Variants in LACTBL1 observed in about 807,000 individuals in gnomAD.
LACTBL1 encodes beta-lactamase-like protein 1.
A neutral mutation model predicts 39.6 loss-of-function variants in LACTBL1; 29 were observed. The ratio of observed to expected loss-of-function variants is 0.73; its 90% CI spans 0.55 to 1.00. The LOEUF (loss-of-function observed/expected upper bound fraction) is 1.00. Ranked by LOEUF, LACTBL1 falls within the 50% of genes least tolerant of loss-of-function variation. The pLI, the probability that LACTBL1 is intolerant of heterozygous loss-of-function variation, is 0.00. For missense variants in LACTBL1, 711 were observed against 748.5 expected (o/e 0.95, Z 0.59); for synonymous variants, 361 against 360.7 (o/e 1.00, Z -0.01).
exon 6 of LACTBL1, chr1:22,953,210 C>A: frequency 6.5e-6 from 8 of 1,232,162 alleles, no homozygotes; most frequent in Non-Finnish European, 8.1e-6. Flanking sequence ...AGTGGCAGTG[C>A]GCAGGGGAAC....
At chr1:22,972,303 A>G in the LACTBL1 span, 1 of 985,266 alleles carries the variant, frequency 1.0e-6, no homozygotes, top group South Asian at 4.7e-5. Flanking sequence ...GCTGTGCCTC[A>G]CCTGGGTCTT....
rs1160027465 is a variant in LACTBL1 at position 22,965,180 on chromosome 1, G to GTCTAA, written c.49+105_49+109dup. 8 of 977,066 alleles carry GTCTAA rather than the reference G, an allele frequency of 8.2e-6. No individual in the cohort carries two copies. The Admixed American group carries it at 3.0e-4, about 37-fold the overall frequency. The allele number at this position is 977,066 out of a possible 1,614,324, so 60.5% of individuals were successfully genotyped here. ...TCAGAATGGAGTCCAGAGCTTCTGA[G>GTCTAA]TCTAAATCTTATGGTCCTCCCCTAC... is the stretch of plus-strand genomic sequence containing the variant. On this transcript the variant is annotated intron_variant, in intron 1 of 5. Coordinates refer to ENST00000426928, the Ensembl canonical transcript of LACTBL1.
chr1:22,972,810 G>C, the LACTBL1 span: 1 of 938,584 alleles, frequency 1.1e-6, no homozygotes, highest in Non-Finnish European at 1.3e-6. Flanking sequence ...GGCAGTTAGG[G>C]CCCCAGTTTG....
At chr1:22,963,122 C>T in exon 2 of LACTBL1, 1 of 1,287,732 alleles carries the variant, frequency 7.8e-7, no homozygotes. Flanking sequence ...CCAGGGCCTC[C>T]TTCAACACGG....
chr1:22,959,802 A>C, intron 3 of LACTBL1, 140 bp downstream of exon 5: 1 of 1,011,476 alleles, frequency 9.9e-7, no homozygotes. Flanking sequence ...CTCCTCTTCT[A>C]TAAAACTGTC....
In LACTBL1 at chr1:22,953,117, C is replaced by CG; in HGVS notation, c.1566dup (p.Gly523ArgfsTer?). The CG allele has an allele frequency of 8.1e-7, 1 of 1,232,162 alleles. No individual in the cohort carries two copies. The highest frequency in any genetic ancestry group is 1.0e-6 in the Non-Finnish European group (1 of 987,934). 76.3% of individuals were successfully genotyped at this position (1,232,162 alleles called of 1,614,324 possible). Reference sequence around the variant, plus strand: ...GTGTTGAGGCCGGGCACGTCGAAGCCGGGTGACAGCCCGTGGTGATCCAAG... The same window carrying CG: ...GTGTTGAGGCCGGGCACGTCGAAGCCGGGGTGACAGCCCGTGGTGATCCAAG... On this transcript the variant is annotated frameshift_variant, in exon 6 of 6. Transcript: ENST00000426928. LOFTEE classifies it high-confidence loss of function.
At chr1:22,966,323 C>T (rs1045540805), upstream of LACTBL1, among the ~76,000 whole-genome samples, 4 of 152,272 alleles carry the variant, frequency 2.6e-5, 1 homozygote, top group African/African-American at 4.8e-5. Context: ...TACAGTTTTA[C>T]GAGGAGATGG....
At chr1:22,953,494 A>G (rs893005828) in exon 6 of LACTBL1, 11 of 1,230,440 alleles carry the variant, frequency 8.9e-6, no homozygotes, top group Non-Finnish European at 1.1e-5. Flanking sequence ...CCGCGCCACC[A>G]GGTCGGGCCC....
chr1:22,962,977 G>A (rs1257762941), intron 2 of LACTBL1, 130 bp downstream of exon 4: 2 of 444,640 alleles, frequency 4.5e-6, no homozygotes, highest in Non-Finnish European at 7.8e-6. Context: ...CTCGCACAGA[G>A]TAGATGCTCA....
chr1:22,959,276 C>A (rs1640792121), intron 3 of LACTBL1, among the ~76,000 whole-genome samples: 1 of 152,180 alleles, frequency 6.6e-6, no homozygotes, highest in African/African-American at 2.4e-5. Context: ...TCTGCTTCAC[C>A]GGTTGTATTA....
At chr1:22,953,819 G>A (rs1007735913) in exon 6 of LACTBL1, 1 of 1,547,502 alleles carries the variant, frequency 6.5e-7, no homozygotes, top group African/African-American at 1.4e-5. Flanking sequence ...TACCAGCCCA[G>A]GTCATAGAGT....
At chr1:22,956,063 CAAAAAAA>C (rs10582369) in intron 4 of LACTBL1, among the ~76,000 whole-genome samples, 17 of 76,600 alleles carry the variant, frequency 2.2e-4, no homozygotes, top group Non-Finnish European at 3.8e-4. Context: ...AACTCCATCT[CAAAAAAA>C]AAAAAAAAAA....
exon 6 of LACTBL1, chr1:22,953,526 C>A (rs1254145656): frequency 8.1e-7 from 1 of 1,237,236 alleles, no homozygotes; most frequent in Non-Finnish European, 1.0e-6. Context: ...GCCCTGCCAG[C>A]AGCAGCACCA....
chr1:22,961,126 A>G lies in LACTBL1; in HGVS notation c.160-1027T>C, dbSNP rs1263519612. 2.0e-5 allele frequency among the ~76,000 whole-genome samples: 3 copies of G among 152,188 alleles called. No homozygotes were observed. The East Asian group carries it at 5.8e-4, about 29-fold the overall frequency. ...TCATCATTTTCAATGATGAAGTGCA[A>G]TGATGACGATAACAGCTGACATTTA... On this transcript the variant is annotated intron_variant, in intron 2 of 5. Transcript: ENST00000426928.
At chr1:22,953,904 G>T (rs1348600925) in exon 6 of LACTBL1, 1 of 1,550,278 alleles carries the variant, frequency 6.5e-7, no homozygotes, top group Non-Finnish European at 8.7e-7. Flanking sequence ...CAAAGCCCGT[G>T]TCTGCCATCC....
chr1:22,954,079 G>C, intron 5 of LACTBL1, 55 bp from the exon 8 acceptor site: 3 of 1,459,946 alleles, frequency 2.1e-6, no homozygotes, highest in Non-Finnish European at 2.7e-6. Context: ...CGCCCGCGCT[G>C]TCTGAAATGC....
upstream of LACTBL1, among the ~76,000 whole-genome samples, chr1:22,970,272 A>G (rs1217329178): frequency 6.6e-6 from 1 of 152,242 alleles, no homozygotes; most frequent in African/African-American, 2.4e-5. Flanking sequence ...CTACTCAGCA[A>G]TGTAAAGGAA....
the LACTBL1 span, among the ~76,000 whole-genome samples, chr1:22,971,495 A>G: frequency 7.3e-6 from 1 of 137,476 alleles, no homozygotes; most frequent in African/African-American, 2.8e-5. Context: ...CACCTATAAC[A>G]CGGCTCCACC....
intron 3 of LACTBL1, 131 bp downstream of exon 5, chr1:22,959,811 T>A: frequency 9.1e-7 from 1 of 1,104,420 alleles, no homozygotes; most frequent in Non-Finnish European, 1.3e-6. Context: ...TATAAAACTG[T>A]CAAGACTTCA....
Sources: allele counts gnomAD v4.1 joint callset (sites outside exome capture counted in the v4.1 genomes callset), GRCh38; gene constraint gnomAD v4.1.1; transcripts MANE v1.5; gene names NCBI Gene and HGNC (gene_info 2026-07-23, HGNC 2026-07-21).